The following HYDIN variants were observed in gnomAD, a reference collection of about 807,000 sequenced individuals.
HYDIN encodes HYDIN axonemal central pair apparatus protein.
Under a neutral mutation model 403.9 loss-of-function variants are expected in HYDIN, and 132 were observed. The observed-to-expected ratio is 0.33, with a 90% confidence interval of 0.28 to 0.38. The LOEUF (loss-of-function observed/expected upper bound fraction) is 0.38, where lower values mean the gene tolerates loss of function less well. HYDIN is among the 10% of genes least tolerant of loss of function. The probability of loss-of-function intolerance (pLI) is 1.00; values close to 1 mark genes in which losing one functional copy is unlikely to be tolerated. For missense variants in HYDIN, 2,827 were observed against 5,009.5 expected, an observed-to-expected ratio of 0.56 and a Z score of 13.15; for synonymous variants, 1,202 against 1,891.7, an observed-to-expected ratio of 0.64 and a Z score of 9.46.
chr16:70,802,193 C>T lies in HYDIN; in HGVS notation c.*5387G>A, dbSNP rs928066518. 1 of 152,116 alleles carries T rather than the reference C, an allele frequency of 6.6e-6. No homozygotes were observed. Among genetic ancestry groups the T allele is most frequent in the Non-Finnish European group, 1.5e-5 (1 of 68,034 alleles). The allele number at this position is 152,116 out of a possible 1,614,324, so 9.4% of individuals were successfully genotyped here. On this transcript the variant is annotated 3_prime_UTR_variant, in exon 86 of 86. Transcript: ENST00000393567. Reference sequence around the variant, plus strand: ...AAACAGGGACGCAATGAGTAAAGGGCAAAAGTAGGCAGAATTCTAGGATGA... The same window carrying T: ...AAACAGGGACGCAATGAGTAAAGGGTAAAAGTAGGCAGAATTCTAGGATGA...
chr16:71,108,178 G>A (rs1248422399), intron 10 of HYDIN, among the ~76,000 whole-genome samples: 4 of 152,104 alleles, frequency 2.6e-5, no homozygotes, highest in African/African-American at 9.7e-5. Flanking sequence ...GAGGGCGGAG[G>A]GTGAGAGGAG....
rs1488978715 is a variant in HYDIN, at chr16:70,946,846, TATC to T, written c.6532-2900_6532-2898del. ...TGAGAAGCAAGAGTGTTGGATTAAA[TATC>T]ATTCAAAAGATCAGGATTGTGATTT... On this transcript the variant is annotated intron_variant, in intron 41 of 85. Transcript: ENST00000393567. 2.0e-5 allele frequency among the ~76,000 whole-genome samples: 3 copies of T among 152,322 alleles called. No homozygotes were observed. The East Asian group carries it at 5.8e-4, about 29-fold the overall frequency.
At chr16:71,226,457 T>C (rs904961438) in intron 1 of HYDIN, among the ~76,000 whole-genome samples, 7 of 152,170 alleles carry the variant, frequency 4.6e-5, no homozygotes, top group African/African-American at 1.4e-4. Flanking sequence ...GACCTACATG[T>C]GAAACCCAAA....
rs35684537 is a variant in HYDIN, at chr16:71,189,766, CA to C, written c.-23-2849del. On this transcript the variant is annotated intron_variant, in intron 1 of 85. Coordinates refer to ENST00000393567, the MANE Select transcript of HYDIN (RefSeq NM_001270974.2). ...TGGGCAACACAGCAAGACTCTGCCTCAAAAAAAAAAAAAAAACAAACAACAA... is the reference window on the plus strand; with the variant it reads ...TGGGCAACACAGCAAGACTCTGCCTCAAAAAAAAAAAAAAACAAACAACAA... 9.0e-3 allele frequency among the ~76,000 whole-genome samples: 1,007 copies of C among 111,852 alleles called. 3 individuals are homozygous for C. Among genetic ancestry groups the C allele is most frequent in the Non-Finnish European group, 0.014 (699 of 50,752 alleles). 73.4% of individuals were successfully genotyped at this position (111,852 alleles called of 152,430 possible). A position where few individuals can be genotyped will look rare whatever the true frequency, so the allele number is the denominator to read the frequency against.
At chr16:71,063,426 G>A (rs867953308) in intron 16 of HYDIN, among the ~76,000 whole-genome samples, 14 of 152,384 alleles carry the variant, frequency 9.2e-5, no homozygotes, top group Middle Eastern at 3.4e-3. Context: ...ATATGTAATG[G>A]AAATACTAAG....
intron 9 of HYDIN, among the ~76,000 whole-genome samples, chr16:71,125,741 A>T (rs532353818): frequency 1.5e-3 from 234 of 152,218 alleles, no homozygotes; most frequent in African/African-American, 5.5e-3. Flanking sequence ...CACCATCAAC[A>T]GCCAGTTGAT....
intron 75 of HYDIN, among the ~76,000 whole-genome samples, chr16:70,845,758 T>G (rs12050958): frequency 0.06 from 7,904 of 131,180 alleles, 1,314 homozygotes; most frequent in African/African-American, 0.26. Flanking sequence ...CTTATTCCTG[T>G]TTTAGTCTTG....
At chr16:70,809,389 G>C (rs1032819362) in intron 85 of HYDIN, among the ~76,000 whole-genome samples, 1 of 152,218 alleles carries the variant, frequency 6.6e-6, no homozygotes, top group Non-Finnish European at 1.5e-5. Flanking sequence ...TAAGCTTAGA[G>C]AGCTTAAGCA....
chr16:70,804,949 G>C lies in HYDIN; in HGVS notation c.*2631C>G, dbSNP rs142353669. Among the ~76,000 whole-genome samples the C allele has an allele frequency of 6.2e-3, 951 of 152,350 alleles. 43 individuals carry two copies. The highest frequency in any genetic ancestry group is 0.056 in the Admixed American group (850 of 15,310). On this transcript the variant is annotated 3_prime_UTR_variant, in exon 86 of 86. Transcript: ENST00000393567. ...GCTGGCTATAAGCCATGCTGGGGCT[G>C]GTGGCATGTTAGACAAGATTTCAGA...
chr16:71,095,641 T>G (rs1177232848), intron 10 of HYDIN, among the ~76,000 whole-genome samples: 1 of 147,236 alleles, frequency 6.8e-6, no homozygotes, highest in Non-Finnish European at 1.5e-5. Flanking sequence ...GTAGAGATAA[T>G]GAAATGCACT....
rs1410873265 is a variant in HYDIN at position 70,955,486 on chromosome 16, A to T, written c.6205T>A (p.Ser2069Thr). 6.2e-7 allele frequency: 1 copy of T among 1,607,634 alleles called. No homozygotes were observed. Among genetic ancestry groups the T allele is most frequent in the Non-Finnish European group, 8.5e-7 (1 of 1,174,924 alleles). Residue 2069 changes from serine (S) to threonine (T), a missense_variant, in exon 40 of 86, where the codon TCC becomes ACC. Physicochemically the swap from Ser to Thr is moderately conservative, Grantham distance 58. Coordinates refer to ENST00000393567, the MANE Select transcript of HYDIN (RefSeq NM_001270974.2). Reference sequence around the variant, plus strand: ...TTGGCCACAGCTTCCAGCACAATGGAGTCGATGCTCAGGCAGGCTGCGTTG... The same window carrying T: ...TTGGCCACAGCTTCCAGCACAATGGTGTCGATGCTCAGGCAGGCTGCGTTG... ...YYNAACLSID[S>T]IVLEAVANSN...
At chr16:71,089,537 C>A (rs574259893) in intron 11 of HYDIN, among the ~76,000 whole-genome samples, 1 of 152,134 alleles carries the variant, frequency 6.6e-6, no homozygotes, top group Non-Finnish European at 1.5e-5. Flanking sequence ...GTCAGGAACG[C>A]GGAAGCTGAG....
chr16:71,071,433 T>C (rs1403850256), intron 13 of HYDIN, among the ~76,000 whole-genome samples: 1 of 151,998 alleles, frequency 6.6e-6, no homozygotes, highest in African/African-American at 2.4e-5. Context: ...TCCACCTGAA[T>C]GCAAGTACTT....
Position 70,868,771 on chromosome 16 carries a change from A to T in HYDIN, c.11109T>A (p.Pro3703=). The change falls in exon 66 of 86, where the codon CCT becomes CCA. Residue 3703 remains proline, a synonymous_variant. Coordinates refer to ENST00000393567, the MANE Select transcript of HYDIN (RefSeq NM_001270974.2). ...AFSPQMGHLH[P]GCAKDIVVTM... is the part of the protein sequence containing the mutation. ...TCACCACTATGTCCTTGGCACACCC[A>T]GGGTGGAGGTGGCCCATCTAGGAAA... 1 of 1,613,904 alleles carries T rather than the reference A, an allele frequency of 6.2e-7. No individual in the cohort carries two copies. Among genetic ancestry groups the T allele is most frequent in the Non-Finnish European group, 8.5e-7 (1 of 1,179,948 alleles).
chr16:70,829,929 C>T (rs1203483102), intron 80 of HYDIN, 99 bp from the exon 81 acceptor site: 3 of 1,050,748 alleles, frequency 2.9e-6, no homozygotes, highest in Non-Finnish European at 4.3e-6. Flanking sequence ...CTGACTTTGA[C>T]AGTGCTTCCC....
chr16:71,030,145 G>T (rs1160499319), intron 19 of HYDIN, among the ~76,000 whole-genome samples: 6 of 152,012 alleles, frequency 3.9e-5, no homozygotes, highest in African/African-American at 1.4e-4. Flanking sequence ...CAACCTCCCG[G>T]GTACAAGCAA....
chr16:71,217,701 A>G (rs1281976190), intron 1 of HYDIN, among the ~76,000 whole-genome samples: 1 of 152,204 alleles, frequency 6.6e-6, no homozygotes, highest in Non-Finnish European at 1.5e-5. Flanking sequence ...ACTTGTGGGC[A>G]CAAAAGCCTG....
intron 45 of HYDIN, among the ~76,000 whole-genome samples, chr16:70,933,044 C>CT (rs2077394213): frequency 6.6e-6 from 1 of 151,658 alleles, no homozygotes; most frequent in South Asian, 2.1e-4. Context: ...GAAAAATACA[C>CT]TTTATGTTTC....
At chr16:70,925,399 G>A in intron 45 of HYDIN, among the ~76,000 whole-genome samples, 1 of 152,216 alleles carries the variant, frequency 6.6e-6, no homozygotes, top group Non-Finnish European at 1.5e-5. Context: ...TTTCCCCATT[G>A]CTTGTTTTTC....
Sources: allele counts gnomAD v4.1 joint callset (sites outside exome capture counted in the v4.1 genomes callset), GRCh38; gene constraint gnomAD v4.1.1; transcripts MANE v1.5; gene names NCBI Gene and HGNC (gene_info 2026-07-23, HGNC 2026-07-21).